MOB1B: variants seen among roughly 807,000 people sequenced by gnomAD.
MOB1B encodes the protein MOB1 Mps One Binder homolog B.
Under a neutral mutation model 24.4 loss-of-function variants are expected in MOB1B, and 19 were observed. The observed-to-expected ratio is 0.78, with a 90% CI of 0.54 to 1.14. The LOEUF (loss-of-function observed/expected upper bound fraction) is 1.14. MOB1B is among the 50% of genes most tolerant of loss of function. The pLI, the probability that MOB1B is intolerant of heterozygous loss-of-function variation, is 0.00. For missense variants in MOB1B, 243 were observed against 259.6 expected, an observed-to-expected ratio of 0.94 and a Z score of 0.44; for synonymous variants, 76 against 82.1, an observed-to-expected ratio of 0.93 and a Z score of 0.40.
At chr4:70,919,564 T>C (rs1393245691) in intron 1 of MOB1B, among the ~76,000 whole-genome samples, 1 of 152,192 alleles carries the variant, frequency 6.6e-6, no homozygotes, top group Admixed American at 6.5e-5. Flanking sequence ...AGTGGCGCTA[T>C]CTCGGCTCAC....
chr4:70,920,887 A>G (rs938391064), intron 1 of MOB1B, among the ~76,000 whole-genome samples: 5 of 152,216 alleles, frequency 3.3e-5, no homozygotes, highest in African/African-American at 9.6e-5. Context: ...TTAAGGATGA[A>G]AAGCTGGTGT....
chr4:70,960,949 T>C (rs938390418), intron 2 of MOB1B, among the ~76,000 whole-genome samples: 1 of 152,212 alleles, frequency 6.6e-6, no homozygotes, highest in African/African-American at 2.4e-5. Context: ...TGTCTCTTTC[T>C]CAGTTGCCAC....
At chr4:70,915,567 A>G (rs1736163925) in intron 1 of MOB1B, among the ~76,000 whole-genome samples, 4 of 152,230 alleles carry the variant, frequency 2.6e-5, no homozygotes, top group Admixed American at 1.3e-4. Flanking sequence ...AAGTAAAGTT[A>G]TAGTCATTTA....
chr4:70,930,890 T>C (rs927602257), intron 1 of MOB1B, among the ~76,000 whole-genome samples: 1 of 152,086 alleles, frequency 6.6e-6, no homozygotes, highest in African/African-American at 2.4e-5. Flanking sequence ...TCTCAAATAA[T>C]GTGAAATGTC....
At chr4:70,939,268 ACAATAAAGTGAAGTTTTTTAAAT>A (rs1311818288) in intron 1 of MOB1B, among the ~76,000 whole-genome samples, 1 of 152,236 alleles carries the variant, frequency 6.6e-6, no homozygotes, top group African/African-American at 2.4e-5. Flanking sequence ...ACTCAAAGTC[ACAATAAAGTGAAGTTTTTTAAAT>A]CATAATCTCA....
chr4:70,922,838 C>T (rs973947067), intron 1 of MOB1B, among the ~76,000 whole-genome samples: 5 of 152,064 alleles, frequency 3.3e-5, no homozygotes, highest in Non-Finnish European at 7.4e-5. Context: ...AGTGTACATA[C>T]GAATAAATAC....
At chr4:70,954,079 G>A (rs957967618) in intron 1 of MOB1B, among the ~76,000 whole-genome samples, 1 of 152,002 alleles carries the variant, frequency 6.6e-6, no homozygotes, top group Non-Finnish European at 1.5e-5. Flanking sequence ...AAGAAACCCA[G>A]AAATTAAAAA....
chr4:70,983,621 G>C lies in MOB1B; in HGVS notation c.*1564G>C, dbSNP rs1739286894. 1 of 152,442 alleles carries C rather than the reference G, an allele frequency of 6.6e-6. No homozygotes were observed. The highest frequency in any genetic ancestry group is 6.6e-5 in the Admixed American group (1 of 15,254). 9.4% of individuals were successfully genotyped at this position (152,442 alleles called of 1,614,324 possible). Reference sequence around the variant, plus strand: ...ACCTTTTTCACATCTAGGAAGAAATGCTTGCTCTGAAATAGTATAGATTAA... The same window carrying C: ...ACCTTTTTCACATCTAGGAAGAAATCCTTGCTCTGAAATAGTATAGATTAA... On this transcript the variant is annotated 3_prime_UTR_variant, in exon 6 of 6. Coordinates refer to ENST00000309395, the MANE Select transcript of MOB1B (RefSeq NM_173468.4).
chr4:70,908,412 A>G (rs539149344), intron 1 of MOB1B, among the ~76,000 whole-genome samples: 4 of 151,700 alleles, frequency 2.6e-5, no homozygotes, highest in Admixed American at 2.0e-4. Flanking sequence ...GGATTGGGAA[A>G]AGAAGGAAGA....
At chr4:70,924,262 C>G (rs1372177161) in intron 1 of MOB1B, among the ~76,000 whole-genome samples, 1 of 152,140 alleles carries the variant, frequency 6.6e-6, no homozygotes, top group Non-Finnish European at 1.5e-5. Context: ...CTCACTAACC[C>G]TTCTCCATAC....
chr4:70,931,981 C>T (rs753658839), intron 1 of MOB1B, among the ~76,000 whole-genome samples: 61 of 152,076 alleles, frequency 4.0e-4, no homozygotes, highest in Non-Finnish European at 8.2e-4. Flanking sequence ...CCTCCCACTT[C>T]GGCCTTCCAA....
At chr4:70,935,977 A>T (rs1041759260) in intron 1 of MOB1B, among the ~76,000 whole-genome samples, 1 of 146,396 alleles carries the variant, frequency 6.8e-6, no homozygotes, top group South Asian at 2.2e-4. Flanking sequence ...TCAGCCTCCC[A>T]AGTAGCTGGG....
rs79307832 is a variant in MOB1B at position 70,978,230 on chromosome 4, G to C, written c.410-898G>C. 7.4e-3 allele frequency among the ~76,000 whole-genome samples: 1,133 copies of C among 152,230 alleles called. 13 individuals carry two copies. The highest frequency in any genetic ancestry group is 0.026 in the African/African-American group (1,094 of 41,522). On this transcript the variant is annotated intron_variant, in intron 4 of 5. Coordinates refer to ENST00000309395, the MANE Select transcript of MOB1B (RefSeq NM_173468.4). ...GTTTCACTTAGCATAACATCCTCCA[G>C]GTCCATCTATGTTGTGGCAAATTGC...
At chr4:70,902,787 C>T (rs549531932) in intron 1 of MOB1B, among the ~76,000 whole-genome samples, 18 of 152,294 alleles carry the variant, frequency 1.2e-4, no homozygotes, top group Admixed American at 4.6e-4. Context: ...GAGGTTCTTC[C>T]CCCCCGGCAC....
At position 70,920,298 on chromosome 4, in the gene MOB1B, C is replaced by G. The variant is rs1160540258; in HGVS notation, c.14+17748C>G. Among the ~76,000 whole-genome samples the G allele has an allele frequency of 3.9e-5, 6 of 152,290 alleles. No individual in the cohort carries two copies. In the East Asian group the frequency reaches 1.2e-3, roughly 29 times the overall value. ...TCTCCTTCAACAGTCTCACTCTCCG[C>G]TCACTGCACCTCTGCCTCCTGGGTT... On this transcript the variant is annotated intron_variant, in intron 1 of 5. Coordinates refer to ENST00000309395, the MANE Select transcript of MOB1B (RefSeq NM_173468.4).
At chr4:70,957,972 G>T (rs1317664819) in intron 1 of MOB1B, among the ~76,000 whole-genome samples, 1 of 151,710 alleles carries the variant, frequency 6.6e-6, no homozygotes, top group Admixed American at 6.6e-5. Flanking sequence ...AAATATTTAT[G>T]TGTATATATA....
At chr4:70,902,072 C>G (rs527662606), upstream of MOB1B, among the ~76,000 whole-genome samples, 1 of 152,320 alleles carries the variant, frequency 6.6e-6, no homozygotes, top group Non-Finnish European at 1.5e-5. Flanking sequence ...TGGAGCCCAG[C>G]TGAGCGGCTC....
intron 1 of MOB1B, among the ~76,000 whole-genome samples, chr4:70,954,530 A>C (rs1737955490): frequency 7.1e-6 from 1 of 141,196 alleles, no homozygotes. Flanking sequence ...ATCTCGGCTA[A>C]CTGCAACCTC....
intron 1 of MOB1B, among the ~76,000 whole-genome samples, chr4:70,910,317 A>AG (rs1301271248): frequency 1.3e-5 from 2 of 152,160 alleles, no homozygotes; most frequent in Non-Finnish European, 2.9e-5. Context: ...CTGGGATTAT[A>AG]GGTGCTAGCC....
Sources: gnomAD v4.1 joint callset for allele counts (sites outside exome capture counted in the v4.1 genomes callset) on GRCh38, gnomAD v4.1.1 for gene constraint, MANE v1.5 for transcripts, NCBI Gene and HGNC (gene_info 2026-07-23, HGNC 2026-07-21) for gene names.